The following MYH9 variants were observed in gnomAD, a reference collection of about 807,000 sequenced individuals.
MYH9 encodes the protein myosin heavy chain 9.
Under a neutral mutation model 241.9 loss-of-function variants are expected in MYH9, and 29 were observed. The ratio of observed to expected loss-of-function variants is 0.12; its 90% confidence interval spans 0.09 to 0.16. MYH9 has a LOEUF of 0.16. MYH9 is among the 10% of genes least tolerant of loss of function. The pLI is 1.00. For missense variants in MYH9, 1,803 were observed against 2,595.5 expected (o/e 0.69, Z 6.63); for synonymous variants, 1,047 against 1,062.6 (o/e 0.99, Z 0.29).
Position 36,300,357 on chromosome 22 carries a change from A to G in MYH9, c.2839-93T>C. 6.4e-7 allele frequency: 1 copy of G among 1,560,270 alleles called. No homozygotes were observed. The highest frequency in any genetic ancestry group is 1.1e-5 in the South Asian group (1 of 90,040). On this transcript the variant is annotated intron_variant, in intron 22 of 40. Transcript: ENST00000216181. This position sits in a 1 kb window ranked among gnomAD's most constrained non-coding sequence, Gnocchi z 5.0. ...GTCCGAAGGCCAGATCCAAACGCCA[A>G]GGAGAAAATAGCAAGGTCTGTGAGC...
chr22:36,371,011 C>G (rs1274709516), intron 1 of MYH9, among the ~76,000 whole-genome samples: 1 of 152,110 alleles, frequency 6.6e-6, no homozygotes, highest in African/African-American at 2.4e-5. Context: ...AACTGGAGCT[C>G]AAAGCAATTA....
intron 14 of MYH9, among the ~76,000 whole-genome samples, chr22:36,310,968 A>C (rs934556050): frequency 6.6e-6 from 1 of 152,130 alleles, no homozygotes; most frequent in Non-Finnish European, 1.5e-5. Context: ...TTGCTTCCGC[A>C]GCCCCAGGAA....
intron 3 of MYH9, among the ~76,000 whole-genome samples, chr22:36,336,052 G>T (rs1449762253): frequency 2.0e-5 from 3 of 152,236 alleles, no homozygotes; most frequent in African/African-American, 4.8e-5. Flanking sequence ...GATCGGGTGG[G>T]AAGGGAGACT....
intron 14 of MYH9, among the ~76,000 whole-genome samples, chr22:36,310,163 G>C (rs1366995182): frequency 6.7e-6 from 1 of 150,018 alleles, no homozygotes; most frequent in Non-Finnish European, 1.5e-5. Flanking sequence ...TCAGCCCCTA[G>C]GGGGGCTGAG....
At position 36,347,002 on chromosome 22, in the gene MYH9, A is replaced by G. The variant is rs139809743; in HGVS notation, c.333+1902T>C. The stretch of plus-strand genomic sequence containing the variant: ...GTTCAAGGTGGCTAGGGCAACATAA[A>G]GAAATAAAGAGCTATTTTAGGAATA... On this transcript the variant is annotated intron_variant, in intron 2 of 40. Coordinates refer to ENST00000216181, the MANE Select transcript of MYH9 (RefSeq NM_002473.6). Among the ~76,000 whole-genome samples the G allele has an allele frequency of 3.3e-5, 5 of 152,196 alleles. No homozygotes were observed. The East Asian group carries it at 9.6e-4, about 29-fold the overall frequency.
In MYH9 at chr22:36,288,144, A is replaced by G; in HGVS notation, c.4932+108T>C. ...TGGAAGCACCCAGGACCTTCCCAGG[A>G]GGTGCCACCCTGCCAGGTTCCCGCC... On this transcript the variant is annotated intron_variant, in intron 34 of 40. Coordinates refer to ENST00000216181, the MANE Select transcript of MYH9 (RefSeq NM_002473.6). The surrounding 1 kb of genome is among the most constrained non-coding windows in gnomAD (Gnocchi z 4.8). The G allele has an allele frequency of 7.3e-7, 1 of 1,369,814 alleles. No individual in the cohort carries two copies. Among genetic ancestry groups the G allele is most frequent in the East Asian group, 2.3e-5 (1 of 43,500 alleles). 84.9% of individuals were successfully genotyped at this position (1,369,814 alleles called of 1,614,324 possible).
rs749332584 is a variant in MYH9, at chr22:36,309,404, G to C, written c.1729-8C>G. 7.5e-6 allele frequency: 12 copies of C among 1,609,638 alleles called. No individual in the cohort carries two copies. The highest frequency in any genetic ancestry group is 9.4e-6 in the Non-Finnish European group (11 of 1,176,020). ...GTCAGCTTTGTAATCCACCTGGCGGGGTCAGAGAGGCAGGAGTCACAAGCT... is the reference window on the plus strand; with the variant it reads ...GTCAGCTTTGTAATCCACCTGGCGGCGTCAGAGAGGCAGGAGTCACAAGCT... On this transcript the variant is annotated splice_region_variant and splice_polypyrimidine_tract_variant and intron_variant, in intron 14 of 40. Coordinates refer to ENST00000216181, the MANE Select transcript of MYH9 (RefSeq NM_002473.6).
intron 40 of MYH9, 126 bp downstream of exon 40, chr22:36,283,967 C>A: frequency 8.8e-7 from 1 of 1,135,864 alleles, no homozygotes. Context: ...CCAGAAGGGG[C>A]AGGGATTGCT....
At chr22:36,335,931 A>G (rs1024732861) in intron 3 of MYH9, among the ~76,000 whole-genome samples, 4 of 152,112 alleles carry the variant, frequency 2.6e-5, no homozygotes, top group Admixed American at 2.0e-4. Context: ...TCTACCCCTC[A>G]TTGTTTACAG....
intron 15 of MYH9, 94 bp downstream of exon 15, chr22:36,309,188 G>T: frequency 9.5e-7 from 1 of 1,050,760 alleles, no homozygotes; most frequent in Non-Finnish European, 1.5e-6. Context: ...GGGCACATGT[G>T]TACCCCTTGT....
At chr22:36,347,581 A>C (rs755546588) in intron 2 of MYH9, among the ~76,000 whole-genome samples, 1 of 151,860 alleles carries the variant, frequency 6.6e-6, no homozygotes, top group Non-Finnish European at 1.5e-5. Context: ...TAAAAATATT[A>C]AAAATTAGCC....
chr22:36,316,502 A>T lies in MYH9; in HGVS notation c.1380+15T>A, dbSNP rs763042379. ...CAAGGAGGCAGCAGGGTGGGTAATGAAGGGCAAGGCTCACATCAAAGATCT... is the reference window on the plus strand; with the variant it reads ...CAAGGAGGCAGCAGGGTGGGTAATGTAGGGCAAGGCTCACATCAAAGATCT... On this transcript the variant is annotated intron_variant, in intron 12 of 40. Coordinates refer to ENST00000216181, the MANE Select transcript of MYH9 (RefSeq NM_002473.6). 6.2e-7 allele frequency: 1 copy of T among 1,614,130 alleles called. No individual in the cohort carries two copies. The highest frequency in any genetic ancestry group is 1.1e-5 in the South Asian group (1 of 91,082).
Position 36,327,447 on chromosome 22 carries a change from G to A in MYH9, c.518+14C>T, listed in dbSNP as rs371540079. On this transcript the variant is annotated intron_variant, in intron 4 of 40. Transcript: ENST00000216181. ...GGGTGAAACGAACCACTACCCAGAC[G>A]GAGAAATACTTACGTGCACAAGATG... 130 of 1,613,810 alleles carry A rather than the reference G, an allele frequency of 8.1e-5. No homozygotes were observed. Among genetic ancestry groups the A allele is most frequent in the Non-Finnish European group, 1.0e-4 (118 of 1,179,862 alleles).
intron 13 of MYH9, among the ~76,000 whole-genome samples, chr22:36,313,764 G>A (rs1485974930): frequency 1.3e-5 from 2 of 152,168 alleles, no homozygotes; most frequent in African/African-American, 2.4e-5. Context: ...AGCAGCCCGC[G>A]ATAGGGCCTT....
At chr22:36,380,071 A>G (rs1336573051) in intron 1 of MYH9, among the ~76,000 whole-genome samples, 1 of 152,050 alleles carries the variant, frequency 6.6e-6, no homozygotes, top group Admixed American at 6.6e-5. Context: ...TGGCGGTCCC[A>G]TTTTAGAGCC....
In MYH9 at chr22:36,305,193, A is replaced by C. The variant is rs2016949261; in HGVS notation, c.2160-91T>G. 9.0e-7 allele frequency: 1 copy of C among 1,111,032 alleles called. No homozygotes were observed. Among genetic ancestry groups the C allele is most frequent in the Non-Finnish European group, 1.4e-6 (1 of 730,230 alleles). 68.8% of individuals were successfully genotyped at this position (1,111,032 alleles called of 1,614,324 possible). A position where few individuals can be genotyped will look rare whatever the true frequency, so the allele number is the denominator to read the frequency against. On this transcript the variant is annotated intron_variant, in intron 17 of 40. Transcript: ENST00000216181. The surrounding 1 kb of genome is among the most constrained non-coding windows in gnomAD (Gnocchi z 4.7). ...GGCGAGAGATTAACATCATTTCTAC[A>C]ATGCAACAGACACAGAATTCTTTAC...
rs1183628615 is a variant in MYH9, at chr22:36,318,231, G to A, written c.1203C>T (p.Val401=). 8.1e-6 allele frequency: 13 copies of A among 1,613,638 alleles called. No individual in the cohort carries two copies. The East Asian group carries it at 2.9e-4, about 36-fold the overall frequency. The stretch of plus-strand genomic sequence containing the variant: ...CCTGCTCTTTAGTCTGCGCCTTCTG[G>A]ACGTAATCCCGTCCCACCTTGATGC... ...TPRIKVGRDY[V]QKAQTKEQAD... is the part of the protein sequence containing the mutation. The change falls in exon 11 of 41, where the codon GTC becomes GTT. Residue 401 remains valine (V), a synonymous_variant. Coordinates refer to ENST00000216181, the MANE Select transcript of MYH9 (RefSeq NM_002473.6).
At chr22:36,318,159 G>T in intron 11 of MYH9, 48 bp downstream of exon 11, 1 of 1,514,042 alleles carries the variant, frequency 6.6e-7, no homozygotes, top group South Asian at 1.1e-5. Context: ...CTGCTGCAGG[G>T]ACATTCACCC....
chr22:36,378,840 T>A (rs2018212093), intron 1 of MYH9, among the ~76,000 whole-genome samples: 1 of 151,562 alleles, frequency 6.6e-6, no homozygotes, highest in Non-Finnish European at 1.5e-5. Flanking sequence ...AAAAAGAGAG[T>A]CACCATTTAG....
Sources: allele counts gnomAD v4.1 joint callset (sites outside exome capture counted in the v4.1 genomes callset), GRCh38; gene constraint gnomAD v4.1.1; non-coding constraint Gnocchi (gnomAD v3.1); transcripts MANE v1.5; gene names NCBI Gene and HGNC (gene_info 2026-07-23, HGNC 2026-07-21).